SIRPA: variants seen among roughly 807,000 people sequenced by gnomAD.
The protein encoded by SIRPA is signal regulatory protein alpha.
A neutral mutation model predicts 50.3 loss-of-function variants in SIRPA; 9 were observed. The ratio of observed to expected loss-of-function variants is 0.18; its 90% CI spans 0.11 to 0.31. The LOEUF (loss-of-function observed/expected upper bound fraction) is 0.31, where lower values mean the gene tolerates loss of function less well. Among genes scored for constraint, SIRPA ranks in the 10% least tolerant of loss-of-function variants. SIRPA has a pLI of 1.00. For synonymous variants in SIRPA, 265 were observed against 284.1 expected (o/e 0.93, Z 0.68); for missense variants, 474 against 661.6 (o/e 0.72, Z 3.11).
At chr20:1,904,225 A>G (rs1379970943) in intron 1 of SIRPA, among the ~76,000 whole-genome samples, 1 of 152,204 alleles carries the variant, frequency 6.6e-6, no homozygotes, top group Non-Finnish European at 1.5e-5. Flanking sequence ...GCCAGGAGGG[A>G]TAGGAGGAGG....
rs116321632 is a variant in SIRPA, at chr20:1,914,712, C to A, written c.80-387C>A. 2.0e-5 allele frequency among the ~76,000 whole-genome samples: 3 copies of A among 151,438 alleles called. No homozygotes were observed. In the East Asian group the frequency reaches 5.9e-4, roughly 30 times the overall value. On this transcript the variant is annotated intron_variant, in intron 1 of 7. Transcript: ENST00000358771. ...GGCCAGGCCAGAAACAGAATCTTAA[C>A]ACCTTGTACAGCCCCAGATATGCCA... is the stretch of plus-strand genomic sequence containing the variant.
chr20:1,909,279 C>T (rs1468908296), intron 1 of SIRPA, among the ~76,000 whole-genome samples: 1 of 152,194 alleles, frequency 6.6e-6, no homozygotes, highest in Non-Finnish European at 1.5e-5. Flanking sequence ...TGTGGTGACC[C>T]ACTGCTTCCG....
chr20:1,905,469 G>A (rs983880323), intron 1 of SIRPA, among the ~76,000 whole-genome samples: 15 of 152,202 alleles, frequency 9.9e-5, no homozygotes, highest in African/African-American at 2.9e-4. Flanking sequence ...AGGGCTAAAT[G>A]AAGGCTTCTG....
chr20:1,895,453 G>A lies in SIRPA; in HGVS notation c.6G>A (p.Glu2=). The A allele has an allele frequency of 7.1e-7, 1 of 1,414,354 alleles. No individual in the cohort carries two copies. Among genetic ancestry groups the A allele is most frequent in the South Asian group, 1.5e-5 (1 of 65,946 alleles). The allele number at this position is 1,414,354 out of a possible 1,614,324, so 87.6% of individuals were successfully genotyped here. A position where few individuals can be genotyped will look rare whatever the true frequency, so the allele number is the denominator to read the frequency against. M[E]PAGPAPGRLG... is the part of the protein sequence containing the mutation. ...TCGCTCCGCAGCCGCGGCCCATGGA[G>A]CCCGCCGGCCCGGCCCCCGGCCGCC... The change falls in exon 1 of 8, where the codon GAG becomes GAA. Residue 2 remains glutamate, a synonymous_variant. Transcript: ENST00000358771.
chr20:1,901,008 A>C (rs968235047), intron 1 of SIRPA, among the ~76,000 whole-genome samples: 1 of 152,144 alleles, frequency 6.6e-6, no homozygotes. Context: ...TGTCGGCCTA[A>C]TCACAGAGCC....
At chr20:1,923,168 C>A (rs1318836177) in intron 4 of SIRPA, among the ~76,000 whole-genome samples, 1 of 152,244 alleles carries the variant, frequency 6.6e-6, no homozygotes, top group Non-Finnish European at 1.5e-5. Context: ...GCCCAAGGAA[C>A]ACTTTAGGCC....
chr20:1,913,783 G>A (rs1008758649), intron 1 of SIRPA, among the ~76,000 whole-genome samples: 9 of 152,032 alleles, frequency 5.9e-5, no homozygotes, highest in African/African-American at 1.4e-4. Flanking sequence ...CGAGGCCCTG[G>A]CTCTGCCTTG....
At chr20:1,915,580 C>T (rs1232737808) in intron 2 of SIRPA, 125 bp downstream of exon 2, 10 of 1,184,576 alleles carry the variant, frequency 8.4e-6, no homozygotes, top group Middle Eastern at 2.1e-4. Context: ...TGATGTCTCC[C>T]CCTTTTACAA....
rs1402094280 is a variant in SIRPA at position 1,932,309 on chromosome 20, GGGGCGAGCAGGGA to G, written c.1227-2401_1227-2389del. On this transcript the variant is annotated intron_variant, in intron 6 of 7. Coordinates refer to ENST00000358771, the MANE Select transcript of SIRPA (RefSeq NM_001040023.2). The surrounding 1 kb of genome is among the most constrained non-coding windows in gnomAD (Gnocchi z 6.0). ...AGAGCAGATCAAGGAGGTGGGGTCTGGGGCGAGCAGGGAGGGCTTGTCTGCAAGGTGACATTTA... is the reference window on the plus strand; with the variant it reads ...AGAGCAGATCAAGGAGGTGGGGTCTGGGGCTTGTCTGCAAGGTGACATTTA... Among the ~76,000 whole-genome samples the G allele has an allele frequency of 6.6e-6, 1 of 152,158 alleles. No individual in the cohort carries two copies. Among genetic ancestry groups the G allele is most frequent in the Non-Finnish European group, 1.5e-5 (1 of 68,018 alleles).
At chr20:1,895,097 C>T (rs1053943225), upstream of SIRPA, among the ~76,000 whole-genome samples, 2 of 151,360 alleles carry the variant, frequency 1.3e-5, no homozygotes, top group African/African-American at 2.4e-5. Context: ...CCTCGCTCTC[C>T]CCCTCTTTCT....
intron 1 of SIRPA, among the ~76,000 whole-genome samples, chr20:1,910,417 TAAG>T (rs1206506844): frequency 6.6e-6 from 1 of 152,224 alleles, no homozygotes. Flanking sequence ...TATAAAGTAA[TAAG>T]AAAACATGCC....
chr20:1,914,630 A>G (rs1414881841), intron 1 of SIRPA, among the ~76,000 whole-genome samples: 1 of 152,056 alleles, frequency 6.6e-6, no homozygotes, highest in Non-Finnish European at 1.5e-5. Flanking sequence ...CTCAAACTAC[A>G]TTCTCCTACT....
At chr20:1,908,016 C>A (rs1984647552) in intron 1 of SIRPA, among the ~76,000 whole-genome samples, 1 of 152,182 alleles carries the variant, frequency 6.6e-6, no homozygotes, top group African/African-American at 2.4e-5. Flanking sequence ...CTGTGGCCAG[C>A]ACATAGTAAG....
At chr20:1,922,687 T>C (rs1422828472) in intron 4 of SIRPA, 42 bp downstream of exon 4, 3 of 1,544,714 alleles carry the variant, frequency 1.9e-6, no homozygotes, top group Middle Eastern at 1.8e-4. Flanking sequence ...TTTAAACTTT[T>C]AGTTTTGTGG....
upstream of SIRPA, chr20:1,895,209 G>T (rs1983705586): frequency 2.7e-6 from 1 of 375,766 alleles, no homozygotes; most frequent in Non-Finnish European, 4.7e-6. Flanking sequence ...TTTATTTCTC[G>T]CGCGCTTGGG....
intron 2 of SIRPA, among the ~76,000 whole-genome samples, chr20:1,916,016 A>G (rs1041854991): frequency 1.3e-5 from 2 of 152,336 alleles, no homozygotes; most frequent in South Asian, 2.1e-4. Context: ...GTTTAATCTG[A>G]TGGCCCTGGT....
At position 1,898,662 on chromosome 20, in the gene SIRPA, A is replaced by G. The variant is rs148279162; in HGVS notation, c.79+3136A>G. Among the ~76,000 whole-genome samples, 4 of 152,180 alleles carry G rather than the reference A, an allele frequency of 2.6e-5. No individual in the cohort carries two copies. The East Asian group carries it at 7.8e-4, about 30-fold the overall frequency. The stretch of plus-strand genomic sequence containing the variant: ...GGGTGGCTTCTAGGGAAGAAGCTCA[A>G]TGACTTAATCAGGATGATTTAGTCC... On this transcript the variant is annotated intron_variant, in intron 1 of 7. Coordinates refer to ENST00000358771, the MANE Select transcript of SIRPA (RefSeq NM_001040023.2). This position sits in a 1 kb window ranked among gnomAD's most constrained non-coding sequence, Gnocchi z 4.3.
In SIRPA at chr20:1,934,855, G is replaced by T. The variant is rs1169892156; in HGVS notation, c.1266+101G>T. ...CTGGTTCTAAATTAAGACTCCTTGT[G>T]GGGTGGAGGGTGGAGGATCTTACAC... On this transcript the variant is annotated intron_variant, in intron 7 of 7. Transcript: ENST00000358771. The surrounding 1 kb of genome is among the most constrained non-coding windows in gnomAD (Gnocchi z 4.6). 5 of 1,295,366 alleles carry T rather than the reference G, an allele frequency of 3.9e-6. No homozygotes were observed. Among genetic ancestry groups the T allele is most frequent in the Non-Finnish European group, 5.6e-6 (5 of 891,924 alleles). The allele number at this position is 1,295,366 out of a possible 1,614,324, so 80.2% of individuals were successfully genotyped here.
chr20:1,895,336 C>A (rs1395226193), upstream of SIRPA: 10 of 668,738 alleles, frequency 1.5e-5, no homozygotes, highest in Non-Finnish European at 1.7e-5. Flanking sequence ...GGGGGGAGGC[C>A]CAGCCGGGAG....
Sources: gnomAD v4.1 joint callset for allele counts (sites outside exome capture counted in the v4.1 genomes callset) on GRCh38, gnomAD v4.1.1 for gene constraint, Gnocchi (gnomAD v3.1) non-coding constraint, MANE v1.5 for transcripts, NCBI Gene and HGNC (gene_info 2026-07-23, HGNC 2026-07-21) for gene names.